Variants in HDGFL3 observed in about 807,000 individuals in gnomAD.
HDGFL3 encodes the protein hepatoma-derived growth factor-related protein 3.
A neutral mutation model predicts 27.6 loss-of-function variants in HDGFL3; 6 were observed. The ratio of observed to expected loss-of-function variants is 0.22; its 90% CI spans 0.12 to 0.43. The LOEUF (loss-of-function observed/expected upper bound fraction) is 0.43. HDGFL3 is among the 20% of genes least tolerant of loss of function. HDGFL3 has a pLI of 1.00. For synonymous variants in HDGFL3, 88 were observed against 88.9 expected (o/e 0.99, Z 0.05); for missense variants, 207 against 250.1 (o/e 0.83, Z 1.16).
At chr15:83,181,379 TCTGACAACTGA>T (rs1177048288) in intron 1 of HDGFL3, among the ~76,000 whole-genome samples, 2 of 152,228 alleles carry the variant, frequency 1.3e-5, no homozygotes, top group African/African-American at 4.8e-5. Context: ...AGGCGTAGTC[TCTGACAACTGA>T]AAGAACACAG....
chr15:83,164,086 T>C lies in HDGFL3; in HGVS notation c.85-11A>G, dbSNP rs770219914. 1.7e-5 allele frequency: 27 copies of C among 1,548,054 alleles called. No homozygotes were observed. The highest frequency in any genetic ancestry group is 3.5e-5 in the South Asian group (3 of 85,712). ...TGGGAGTTCATCAATCTATGAAAGA[T>C]ACATTTAGTTACTGAGTGAGTGGTT... On this transcript the variant is annotated splice_polypyrimidine_tract_variant and intron_variant, in intron 1 of 5. Coordinates refer to ENST00000299633, the MANE Select transcript of HDGFL3 (RefSeq NM_016073.4).
intron 3 of HDGFL3, chr15:83,121,764 CA>C (rs2035272784): frequency 1.6e-6 from 1 of 611,880 alleles, no homozygotes; most frequent in Non-Finnish European, 2.8e-6. Flanking sequence ...GTTACATAAC[CA>C]GGGCTCCTTG....
At chr15:83,116,408 G>A (rs747645207) in intron 3 of HDGFL3, among the ~76,000 whole-genome samples, 2 of 152,160 alleles carry the variant, frequency 1.3e-5, no homozygotes, top group African/African-American at 2.4e-5. Flanking sequence ...CCTGGTACTC[G>A]AGAGAGCTAG....
chr15:83,204,220 A>C (rs7164578), intron 1 of HDGFL3, among the ~76,000 whole-genome samples: 3 of 151,710 alleles, frequency 2.0e-5, no homozygotes, highest in African/African-American at 7.3e-5. Flanking sequence ...ACTTATATAT[A>C]TCAGACATAT....
chr15:83,118,375 CA>C (rs1304703367), intron 3 of HDGFL3, among the ~76,000 whole-genome samples: 7 of 152,110 alleles, frequency 4.6e-5, no homozygotes, highest in African/African-American at 1.7e-4. Context: ...GTGCACCATG[CA>C]GTTAAAGATG....
intron 3 of HDGFL3, among the ~76,000 whole-genome samples, chr15:83,120,812 C>T (rs1482378542): frequency 2.0e-5 from 3 of 151,896 alleles, no homozygotes; most frequent in Non-Finnish European, 4.4e-5. Flanking sequence ...GTGATCTGCC[C>T]GCCTCAGCCT....
chr15:83,195,332 A>C (rs1012637256), intron 1 of HDGFL3, among the ~76,000 whole-genome samples: 2 of 152,158 alleles, frequency 1.3e-5, no homozygotes, highest in African/African-American at 4.8e-5. Flanking sequence ...ATTCCAACAA[A>C]GGTTTTTTAA....
downstream of HDGFL3, chr15:83,124,641 G>A (rs2151370725): frequency 6.4e-7 from 1 of 1,565,086 alleles, no homozygotes; most frequent in South Asian, 1.1e-5. Context: ...GGCACTTTGG[G>A]CCTGCTCTTT....
In HDGFL3 at chr15:83,168,600, G is replaced by A. The variant is rs115228730; in HGVS notation, c.85-4525C>T. Among the ~76,000 whole-genome samples the A allele has an allele frequency of 3.2e-3, 480 of 152,162 alleles. 4 individuals carry two copies. Among genetic ancestry groups the A allele is most frequent in the African/African-American group, 0.011 (464 of 41,516 alleles). On this transcript the variant is annotated intron_variant, in intron 1 of 5. Coordinates refer to ENST00000299633, the MANE Select transcript of HDGFL3 (RefSeq NM_016073.4). Reference sequence around the variant, plus strand: ...TTCAATCAGGAAGAAATTGAAACACGGAACAGACCAATATTGAATCCTTAG... The same window carrying A: ...TTCAATCAGGAAGAAATTGAAACACAGAACAGACCAATATTGAATCCTTAG...
chr15:83,124,657 C>A (rs755090219), downstream of HDGFL3: 11 of 1,608,454 alleles, frequency 6.8e-6, no homozygotes, highest in East Asian at 4.5e-5. Flanking sequence ...TCTTTAGGTA[C>A]AAACTCTATT....
intron 1 of HDGFL3, chr15:83,192,210 G>T (rs2037519778): frequency 2.3e-6 from 1 of 434,716 alleles, no homozygotes; most frequent in African/African-American, 2.1e-5. Flanking sequence ...CCAAAGTGCT[G>T]GGATTACAGG....
chr15:83,170,124 T>C (rs1338358194), intron 1 of HDGFL3, among the ~76,000 whole-genome samples: 2 of 152,228 alleles, frequency 1.3e-5, no homozygotes, highest in African/African-American at 2.4e-5. Flanking sequence ...ATAATCAGTA[T>C]TGTTCAAATG....
intron 5 of HDGFL3, among the ~76,000 whole-genome samples, chr15:83,143,926 A>G (rs943621459): frequency 6.6e-6 from 1 of 152,132 alleles, no homozygotes; most frequent in Non-Finnish European, 1.5e-5. Flanking sequence ...TTTTAATGAT[A>G]TAAGACTTTA....
downstream of HDGFL3, among the ~76,000 whole-genome samples, chr15:83,127,167 C>G (rs2035841768): frequency 6.6e-6 from 1 of 150,618 alleles, no homozygotes; most frequent in Admixed American, 6.6e-5. Flanking sequence ...GCACTCCAGC[C>G]TGAGTGACAG....
rs1335404956 is a variant in HDGFL3 at position 83,129,592 on chromosome 15, CCTGT to C, written c.*9674_*9677del. 1.3e-5 allele frequency: 2 copies of C among 152,304 alleles called. No homozygotes were observed. The highest frequency in any genetic ancestry group is 4.8e-5 in the African/African-American group (2 of 41,576). 9.4% of individuals were successfully genotyped at this position (152,304 alleles called of 1,614,324 possible). A position where few individuals can be genotyped will look rare whatever the true frequency, so the allele number is the denominator to read the frequency against. On this transcript the variant is annotated 3_prime_UTR_variant, in exon 6 of 6. Coordinates refer to ENST00000299633, the MANE Select transcript of HDGFL3 (RefSeq NM_016073.4). The stretch of plus-strand genomic sequence containing the variant: ...AAATGGCAGAATAGGTTTATGAAAT[CCTGT>C]CTGACTCCAAAGCTCATATTCTTCT...
At chr15:83,173,292 G>A (rs552554160) in intron 1 of HDGFL3, among the ~76,000 whole-genome samples, 40 of 152,218 alleles carry the variant, frequency 2.6e-4, no homozygotes, top group African/African-American at 8.9e-4. Flanking sequence ...AATAGATTAC[G>A]TGAGATACTC....
exon 4 of HDGFL3, chr15:83,113,912 C>T (rs189227635): frequency 3.9e-5 from 6 of 152,420 alleles, no homozygotes; most frequent in African/African-American, 1.4e-4. Context: ...CATTCTCTGC[C>T]TACAGTGGGC....
chr15:83,143,922 T>C (rs1486999687), intron 5 of HDGFL3, among the ~76,000 whole-genome samples: 1 of 152,186 alleles, frequency 6.6e-6, no homozygotes, highest in Non-Finnish European at 1.5e-5. Flanking sequence ...TTGTTTTTAA[T>C]GATATAAGAC....
At chr15:83,117,191 G>A (rs1004148013) in intron 3 of HDGFL3, among the ~76,000 whole-genome samples, 6 of 152,180 alleles carry the variant, frequency 3.9e-5, no homozygotes, top group East Asian at 1.9e-4. Context: ...GGGGAATTCC[G>A]GAGAGAAGGG....
Sources: allele counts gnomAD v4.1 joint callset (sites outside exome capture counted in the v4.1 genomes callset), GRCh38; gene constraint gnomAD v4.1.1; transcripts MANE v1.5; gene names NCBI Gene and HGNC (gene_info 2026-07-23, HGNC 2026-07-21).